The following PHF24 variants were observed in gnomAD, a reference collection of about 807,000 sequenced individuals.
PHF24 encodes the protein Galpha inhibitory interacting protein.
PHF24 carries 25 observed loss-of-function variants against 42.6 expected under a neutral mutation model. That is an observed-to-expected ratio of 0.59 (90% CI 0.43 to 0.82). PHF24 has a LOEUF of 0.82. Ranked by LOEUF, PHF24 falls within the 40% of genes least tolerant of loss-of-function variation. PHF24 has a pLI of 0.00. For missense variants in PHF24, 470 were observed against 538.1 expected (o/e 0.87, Z 1.25); for synonymous variants, 185 against 204.8 (o/e 0.90, Z 0.83).
the PHF24 span, among the ~76,000 whole-genome samples, chr9:34,865,192 A>G: frequency 1.7e-3 from 183 of 110,452 alleles, 1 homozygote; most frequent in South Asian, 8.2e-3. Context: ...TAGAGTTTTT[A>G]TTAGTTTTTT....
At chr9:34,816,561 G>T in the PHF24 span, among the ~76,000 whole-genome samples, 8 of 152,046 alleles carry the variant, frequency 5.3e-5, no homozygotes, top group African/African-American at 9.7e-5. Context: ...CCTGCTTTTT[G>T]GTTTATAGAT....
chr9:34,711,689 C>T, the PHF24 span, among the ~76,000 whole-genome samples: 1 of 151,994 alleles, frequency 6.6e-6, no homozygotes, highest in Non-Finnish European at 1.5e-5. Flanking sequence ...ATTATGGGCA[C>T]CTGTCACCAC....
the PHF24 span, among the ~76,000 whole-genome samples, chr9:34,732,025 AT>A: frequency 0.61 from 81,511 of 134,410 alleles, 24,032 homozygotes; most frequent in South Asian, 0.74. Context: ...TAATTTTTGG[AT>A]TTTTTTTTTT....
At chr9:34,909,815 G>A in the PHF24 span, among the ~76,000 whole-genome samples, 2 of 152,064 alleles carry the variant, frequency 1.3e-5, no homozygotes, top group Non-Finnish European at 2.9e-5. Flanking sequence ...GTAGAGACGG[G>A]GTTTCACTGT....
At chr9:34,973,715 C>T (rs906454787) in intron 3 of PHF24, among the ~76,000 whole-genome samples, 2 of 152,214 alleles carry the variant, frequency 1.3e-5, no homozygotes, top group Non-Finnish European at 2.9e-5. Flanking sequence ...CACCTGTCCC[C>T]ATGGAGTACA....
chr9:34,888,092 T>G, the PHF24 span, among the ~76,000 whole-genome samples: 1 of 152,164 alleles, frequency 6.6e-6, no homozygotes, highest in Non-Finnish European at 1.5e-5. Flanking sequence ...CATGTTGTAC[T>G]CTCAGCCTGG....
At chr9:34,781,868 T>TGTATTATTTGCTGTAAGTACA in the PHF24 span, among the ~76,000 whole-genome samples, 3 of 152,220 alleles carry the variant, frequency 2.0e-5, no homozygotes, top group Non-Finnish European at 2.9e-5. Context: ...AGCAGTTATC[T>TGTATTATTTGCTGTAAGTACA]GCAAAACTCT....
At chr9:34,681,790 G>A in the PHF24 span, among the ~76,000 whole-genome samples, 3 of 152,310 alleles carry the variant, frequency 2.0e-5, no homozygotes, top group South Asian at 6.2e-4. Flanking sequence ...CAGCCTGGGT[G>A]ACAGAGTGAG....
chr9:34,882,578 CAGAG>C, the PHF24 span, among the ~76,000 whole-genome samples: 1 of 152,056 alleles, frequency 6.6e-6, no homozygotes, highest in Non-Finnish European at 1.5e-5. Context: ...AACAGACAAA[CAGAG>C]AGCCAAATCA....
intron 3 of PHF24, among the ~76,000 whole-genome samples, 172 bp from the exon 4 acceptor site, chr9:34,975,980 G>C (rs563918537): frequency 1.2e-4 from 19 of 152,124 alleles, no homozygotes; most frequent in African/African-American, 4.6e-4. Context: ...AGACAACTCT[G>C]GCCAAGTCCT....
the PHF24 span, among the ~76,000 whole-genome samples, chr9:34,783,875 G>A: frequency 6.6e-6 from 1 of 152,142 alleles, no homozygotes; most frequent in Non-Finnish European, 1.5e-5. Context: ...GTATAATGTT[G>A]CCTTTCCTGT....
upstream of PHF24, chr9:34,958,239 C>CGCT (rs1826451222): frequency 6.6e-6 from 1 of 150,466 alleles, no homozygotes; most frequent in East Asian, 1.9e-4. The surrounding 1 kb of genome is among the most constrained non-coding windows in gnomAD (Gnocchi z 4.5). Flanking sequence ...CCGCCGCCGC[C>CGCT]GCCGCCGCCG....
At chr9:34,807,054 C>A in the PHF24 span, among the ~76,000 whole-genome samples, 2 of 152,024 alleles carry the variant, frequency 1.3e-5, no homozygotes, top group African/African-American at 4.8e-5. Flanking sequence ...GCCTTACAGC[C>A]CTGACTAGAA....
At chr9:34,925,529 GCTTTCTT>G in the PHF24 span, among the ~76,000 whole-genome samples, 1 of 151,794 alleles carries the variant, frequency 6.6e-6, no homozygotes, top group East Asian at 1.9e-4. Context: ...AATTTAGTAG[GCTTTCTT>G]CTTTCTTCTG....
chr9:34,851,185 CT>C, the PHF24 span, among the ~76,000 whole-genome samples: 2 of 152,164 alleles, frequency 1.3e-5, no homozygotes, highest in Non-Finnish European at 2.9e-5. Context: ...TTTTGTTTGT[CT>C]GTGCCCTGCC....
At chr9:34,746,780 T>G in the PHF24 span, among the ~76,000 whole-genome samples, 24 of 152,194 alleles carry the variant, frequency 1.6e-4, no homozygotes, top group Non-Finnish European at 3.1e-4. Flanking sequence ...ATAAACCTTT[T>G]TATACCCTCT....
At chr9:34,819,198 G>T in the PHF24 span, among the ~76,000 whole-genome samples, 1 of 151,824 alleles carries the variant, frequency 6.6e-6, no homozygotes, top group Non-Finnish European at 1.5e-5. Context: ...GGATCAATCT[G>T]ACTAGTTTTG....
At chr9:34,879,100 T>C in the PHF24 span, among the ~76,000 whole-genome samples, 4 of 152,208 alleles carry the variant, frequency 2.6e-5, no homozygotes, top group African/African-American at 4.8e-5. Flanking sequence ...AAACAGGGTC[T>C]GGAGTGGACC....
chr9:34,766,501 G>A, the PHF24 span, among the ~76,000 whole-genome samples: 1 of 152,086 alleles, frequency 6.6e-6, no homozygotes, highest in Admixed American at 6.5e-5. Context: ...ATCAGCTCCT[G>A]AGGCTTCTGC....
Sources: gnomAD v4.1 joint callset for allele counts (sites outside exome capture counted in the v4.1 genomes callset) on GRCh38, gnomAD v4.1.1 for gene constraint, Gnocchi (gnomAD v3.1) non-coding constraint, MANE v1.5 for transcripts, NCBI Gene and HGNC (gene_info 2026-07-23, HGNC 2026-07-21) for gene names.